The following NPIPB7 variants were observed in gnomAD, a reference collection of about 807,000 sequenced individuals.
NPIPB7 encodes the protein nuclear pore complex interacting protein family member B7.
For missense variants in NPIPB7, 14 were observed against 238.5 expected (o/e 0.06, Z 6.20); for synonymous variants, 9 against 88.1 (o/e 0.10, Z 5.03).
At position 28,470,439 on chromosome 16, in the gene NPIPB7, G is replaced by C. The variant is rs144028338; in HGVS notation, c.-1C>G. On this transcript the variant is annotated 5_prime_UTR_variant, in exon 1 of 7. Transcript: ENST00000452313. ...TGAGGAGCCAAAAGCGCAGCCGCATGTCCTGATCCTTTCAGGGTGCCCTGA... is the reference window on the plus strand; with the variant it reads ...TGAGGAGCCAAAAGCGCAGCCGCATCTCCTGATCCTTTCAGGGTGCCCTGA... 251 of 1,589,824 alleles carry C rather than the reference G, an allele frequency of 1.6e-4. No homozygotes were observed. In the African/African-American group the frequency reaches 3.1e-3, roughly 20 times the overall value.
At chr16:28,468,401 C>T (rs2045918099) in intron 1 of NPIPB7, among the ~76,000 whole-genome samples, 1 of 147,566 alleles carries the variant, frequency 6.8e-6, no homozygotes, top group Admixed American at 6.8e-5. Flanking sequence ...AATAATACTT[C>T]TCTCTTGGAT....
At chr16:28,467,766 T>C (rs1371586522) in intron 1 of NPIPB7, among the ~76,000 whole-genome samples, 1 of 116,504 alleles carries the variant, frequency 8.6e-6, no homozygotes, top group Admixed American at 9.8e-5. Flanking sequence ...TTTGTGGAGA[T>C]GGGATTTTGC....
Position 28,463,643 on chromosome 16 carries a change from T to C in NPIPB7, c.250-562A>G, listed in dbSNP as rs113231699. Among the ~76,000 whole-genome samples, 929 of 124,632 alleles carry C rather than the reference T, an allele frequency of 7.5e-3. 24 individuals are homozygous for C. The highest frequency in any genetic ancestry group is 0.013 in the Non-Finnish European group (735 of 58,046). 81.8% of individuals were successfully genotyped at this position (124,632 alleles called of 152,430 possible). On this transcript the variant is annotated intron_variant, in intron 2 of 6. Transcript: ENST00000452313. ...CGGGAGGCTGAGGCAGGAGAATCACTTGAACCCAGCAAGAAAAGGTTGTGG... is the reference window on the plus strand; with the variant it reads ...CGGGAGGCTGAGGCAGGAGAATCACCTGAACCCAGCAAGAAAAGGTTGTGG...
chr16:28,472,151 G>A (rs577108460), upstream of NPIPB7, among the ~76,000 whole-genome samples: 14 of 152,326 alleles, frequency 9.2e-5, no homozygotes, highest in South Asian at 2.1e-4. Flanking sequence ...AGTGGCCCAC[G>A]CCTGTAATCC....
intron 4 of NPIPB7, among the ~76,000 whole-genome samples, chr16:28,462,230 G>A (rs1408102647): frequency 6.7e-6 from 1 of 148,978 alleles, no homozygotes; most frequent in African/African-American, 2.5e-5. Flanking sequence ...GACCAGCCTG[G>A]ACAACATGGT....
intron 2 of NPIPB7, among the ~76,000 whole-genome samples, chr16:28,463,678 A>G (rs1320017471): frequency 1.1e-5 from 1 of 94,046 alleles, no homozygotes; most frequent in African/African-American, 3.6e-5. Flanking sequence ...GTGAGCTGAG[A>G]TTGTGCCATT....
intron 2 of NPIPB7, among the ~76,000 whole-genome samples, chr16:28,463,586 C>A (rs2045885533): frequency 6.9e-6 from 1 of 145,890 alleles, no homozygotes; most frequent in African/African-American, 2.6e-5. Context: ...ATTAGCCAGG[C>A]ATGGTGGTGC....
chr16:28,463,727 C>CA (rs1199745082), intron 2 of NPIPB7, among the ~76,000 whole-genome samples: 639 of 15,046 alleles, frequency 0.042, 26 homozygotes, highest in South Asian at 0.19. Context: ...AACTCTGTCT[C>CA]AAAAAAAAAA....
chr16:28,468,798 C>A (rs1457474834), intron 1 of NPIPB7, among the ~76,000 whole-genome samples: 1 of 85,016 alleles, frequency 1.2e-5, no homozygotes, highest in Non-Finnish European at 2.5e-5. Context: ...CAGAGTGAGA[C>A]TCTGTCTCAA....
At chr16:28,468,517 TAAC>T (rs2045919050) in intron 1 of NPIPB7, among the ~76,000 whole-genome samples, 1 of 146,452 alleles carries the variant, frequency 6.8e-6, no homozygotes, top group Non-Finnish European at 1.5e-5. Context: ...GCTTAAAAAT[TAAC>T]AAGGTGGGCC....
exon 1 of NPIPB7, chr16:28,470,538 A>T: frequency 5.1e-6 from 2 of 395,092 alleles, no homozygotes; most frequent in Non-Finnish European, 8.3e-6. Context: ...GCCGGATCTG[A>T]GTTGGGGCGG....
chr16:28,463,501 CGG>C (rs2045884824), intron 2 of NPIPB7, among the ~76,000 whole-genome samples: 1 of 121,158 alleles, frequency 8.3e-6, no homozygotes. Context: ...CCGAGGCAGG[CGG>C]ATCACCTGAG....
At chr16:28,469,768 C>T (rs1158862586) in intron 1 of NPIPB7, 29 of 380,820 alleles carry the variant, frequency 7.6e-5, no homozygotes, top group East Asian at 3.9e-4. Context: ...AGGCGGATCA[C>T]GAGGTCAAGA....
upstream of NPIPB7, among the ~76,000 whole-genome samples, chr16:28,471,867 C>A (rs890146496): frequency 1.3e-4 from 19 of 151,982 alleles, no homozygotes; most frequent in Admixed American, 4.6e-4. Context: ...ATTGACCTCT[C>A]AGGGATGTCC....
intron 1 of NPIPB7, among the ~76,000 whole-genome samples, chr16:28,468,358 T>C (rs2045917728): frequency 7.2e-6 from 1 of 137,998 alleles, no homozygotes; most frequent in Non-Finnish European, 1.6e-5. Flanking sequence ...TGGATGCATT[T>C]ATTATATATC....
chr16:28,472,166 AT>A, upstream of NPIPB7, among the ~76,000 whole-genome samples: 2 of 152,240 alleles, frequency 1.3e-5, no homozygotes, highest in Non-Finnish European at 2.9e-5. Context: ...TAATCCCAGT[AT>A]CTCTGGAGGT....
At chr16:28,464,825 T>A (rs1318090343) in intron 2 of NPIPB7, among the ~76,000 whole-genome samples, 1 of 149,970 alleles carries the variant, frequency 6.7e-6, no homozygotes, top group African/African-American at 2.5e-5. Context: ...TTGTAGAATT[T>A]GTTTTTTCCT....
intron 4 of NPIPB7, among the ~76,000 whole-genome samples, chr16:28,462,123 T>A (rs1432777122): frequency 4.6e-4 from 65 of 140,384 alleles, no homozygotes; most frequent in Admixed American, 6.3e-4. Context: ...TCTCAAAATT[T>A]AAAAAAAAAA....
chr16:28,470,088 T>G (rs3874701), intron 1 of NPIPB7, among the ~76,000 whole-genome samples: 6 of 141,380 alleles, frequency 4.2e-5, no homozygotes, highest in Admixed American at 7.0e-5. Flanking sequence ...CTCAGCTCAC[T>G]GCAACGTCCA....
Sources: gnomAD v4.1 joint callset for allele counts (sites outside exome capture counted in the v4.1 genomes callset) on GRCh38, gnomAD v4.1.1 for gene constraint, MANE v1.5 for transcripts, NCBI Gene and HGNC (gene_info 2026-07-23, HGNC 2026-07-21) for gene names.